The following EDA variants were observed in gnomAD, a reference collection of about 807,000 sequenced individuals.
The protein encoded by EDA is ectodysplasin-A.
Under a neutral mutation model 23.6 loss-of-function variants are expected in EDA, and 2 were observed. The ratio of observed to expected loss-of-function variants is 0.08; its 90% confidence interval spans 0.03 to 0.27. EDA has a LOEUF of 0.27. Among genes scored for constraint, EDA ranks in the 10% least tolerant of loss-of-function variants. The pLI is 1.00. For missense variants in EDA, 229 were observed against 324.2 expected (o/e 0.71, Z 2.26); for synonymous variants, 131 against 132.0 (o/e 0.99, Z 0.05).
chrX:69,769,104 G>A (rs762213398), intron 1 of EDA, among the ~76,000 whole-genome samples: 23 of 111,439 alleles, frequency 2.1e-4, no homozygotes, highest in Admixed American at 1.6e-3. Context: ...GGCCCAGAGC[G>A]TGATCTAGCT....
At chrX:69,931,071 A>G (rs1367175457) in intron 1 of EDA, among the ~76,000 whole-genome samples, 1 of 111,255 alleles carries the variant, frequency 9.0e-6, no homozygotes, top group Non-Finnish European at 1.9e-5. Context: ...ACAACTTTGA[A>G]AAAAGAACAA....
intron 1 of EDA, among the ~76,000 whole-genome samples, chrX:69,707,310 G>A (rs763913346): frequency 8.9e-6 from 1 of 112,293 alleles, no homozygotes. Flanking sequence ...CTCCACCATG[G>A]AAATATTCTT....
intron 1 of EDA, chrX:69,937,495 G>A (rs1187368405): frequency 1.2e-6 from 1 of 816,785 alleles, no homozygotes; most frequent in Non-Finnish European, 1.9e-6. Context: ...TCTTCTTCAG[G>A]CAAGTTAGAG....
intron 1 of EDA, among the ~76,000 whole-genome samples, chrX:69,934,811 A>G (rs529591194): frequency 3.6e-5 from 4 of 111,768 alleles, no homozygotes; most frequent in South Asian, 3.8e-4. Context: ...AAAATGTACA[A>G]TATTTTAAAA....
intron 1 of EDA, among the ~76,000 whole-genome samples, chrX:69,655,762 C>CTATATAAATATATATATATA (rs1933292724): frequency 3.8e-5 from 2 of 52,503 alleles, no homozygotes; most frequent in African/African-American, 2.2e-4. Context: ...TCATTAGAAT[C>CTATATAAATATATATATATA]TATATATATA....
At chrX:69,827,329 A>C (rs1255684933) in intron 1 of EDA, among the ~76,000 whole-genome samples, 1 of 112,070 alleles carries the variant, frequency 8.9e-6, no homozygotes, top group East Asian at 2.8e-4. Context: ...CATCACTTTC[A>C]GGTACACCAA....
At chrX:69,878,714 A>G (rs1298481938) in intron 1 of EDA, among the ~76,000 whole-genome samples, 1 of 84,242 alleles carries the variant, frequency 1.2e-5, no homozygotes, top group Non-Finnish European at 2.2e-5. Context: ...ACCTTCACCA[A>G]GACACACACA....
At chrX:69,702,123 G>A (rs1226293617) in intron 1 of EDA, among the ~76,000 whole-genome samples, 1 of 111,308 alleles carries the variant, frequency 9.0e-6, no homozygotes, top group Non-Finnish European at 1.9e-5. Flanking sequence ...GATCAGTGAG[G>A]GAGAAGGGAA....
chrX:69,811,367 A>G (rs1360223790), intron 1 of EDA, among the ~76,000 whole-genome samples: 1 of 112,521 alleles, frequency 8.9e-6, no homozygotes, highest in African/African-American at 3.2e-5. Context: ...GGGCCCCAAT[A>G]CCATATTCCT....
At position 69,793,570 on chromosome X, in the gene EDA, G is replaced by GTTTTTT. The variant is rs67241807; in HGVS notation, c.397-163443_397-163438dup. Among the ~76,000 whole-genome samples, 207 of 58,600 alleles carry GTTTTTT rather than the reference G, an allele frequency of 3.5e-3. 1 individual carries two copies. Among genetic ancestry groups the GTTTTTT allele is most frequent in the Middle Eastern group, 0.013 (1 of 75 alleles). The allele number at this position is 58,600 out of a possible 115,157, so 50.9% of individuals were successfully genotyped here. ...GCTTTTTGTTTGTTTGTTTGTTTTT[G>GTTTTTT]TTTTTTTTTTTTTTTTTTTGCTCCC... On this transcript the variant is annotated intron_variant, in intron 1 of 7. Coordinates refer to ENST00000374552, the MANE Select transcript of EDA (RefSeq NM_001399.5).
chrX:69,838,637 A>C (rs748467439), intron 1 of EDA, among the ~76,000 whole-genome samples: 1 of 112,712 alleles, frequency 8.9e-6, no homozygotes, highest in Admixed American at 9.3e-5. Context: ...AAAAAAAATA[A>C]ATAAAAAACA....
intron 2 of EDA, among the ~76,000 whole-genome samples, chrX:69,990,630 T>G (rs2019574100): frequency 9.0e-6 from 1 of 110,545 alleles, no homozygotes; most frequent in African/African-American, 3.3e-5. Context: ...GGGCCACAGG[T>G]TTTTTTTCTG....
intron 1 of EDA, among the ~76,000 whole-genome samples, chrX:69,883,004 G>A (rs760519957): frequency 9.8e-5 from 11 of 112,340 alleles, no homozygotes; most frequent in Admixed American, 1.9e-4. Context: ...CACTGCACCC[G>A]GCCCTGTAAC....
intron 1 of EDA, among the ~76,000 whole-genome samples, chrX:69,818,323 G>C (rs1032665625): frequency 7.2e-5 from 8 of 111,053 alleles, no homozygotes; most frequent in Non-Finnish European, 1.1e-4. Context: ...AGAGAACCAA[G>C]AGCAATCCAA....
chrX:69,749,645 T>C (rs2013746605), intron 1 of EDA: 1 of 111,535 alleles, frequency 9.0e-6, no homozygotes, highest in South Asian at 3.8e-4. Context: ...TAGCCAGCAT[T>C]GGTTCTGAAG....
intron 1 of EDA, among the ~76,000 whole-genome samples, chrX:69,878,485 G>A (rs1364147341): frequency 1.8e-5 from 2 of 112,156 alleles, no homozygotes; most frequent in South Asian, 3.7e-4. Context: ...AATCTCATCC[G>A]CTAAAACACA....
intron 1 of EDA, among the ~76,000 whole-genome samples, chrX:69,677,368 G>T (rs1217230733): frequency 9.0e-6 from 1 of 111,088 alleles, no homozygotes; most frequent in East Asian, 2.9e-4. Context: ...TGGTTCAAAT[G>T]GCATTTCTAG....
At chrX:69,642,400 G>A (rs1405445345) in intron 1 of EDA, among the ~76,000 whole-genome samples, 1 of 110,800 alleles carries the variant, frequency 9.0e-6, no homozygotes, top group African/African-American at 3.3e-5. Flanking sequence ...TACGTTATAT[G>A]TGTATATTGC....
At chrX:69,690,750 G>A (rs749991916) in intron 1 of EDA, among the ~76,000 whole-genome samples, 1 of 111,791 alleles carries the variant, frequency 8.9e-6, no homozygotes, top group Non-Finnish European at 1.9e-5. Flanking sequence ...CATCAGGGAA[G>A]CCATGTAAGC....
Sources: gnomAD v4.1 joint callset for allele counts (sites outside exome capture counted in the v4.1 genomes callset) on GRCh38, gnomAD v4.1.1 for gene constraint, MANE v1.5 for transcripts, NCBI Gene and HGNC (gene_info 2026-07-23, HGNC 2026-07-21) for gene names.